The following MTUS2 variants were observed in gnomAD, a reference collection of about 807,000 sequenced individuals.
The protein encoded by MTUS2 is microtubule-associated tumor suppressor candidate 2.
A neutral mutation model predicts 114.1 loss-of-function variants in MTUS2; 40 were observed. That is an observed-to-expected ratio of 0.35 (90% CI 0.27 to 0.46). The LOEUF is 0.46. MTUS2 is among the 20% of genes least tolerant of loss of function. The pLI is 1.00. For missense variants in MTUS2, 1,679 were observed against 1,705.4 expected (o/e 0.98, Z 0.27); for synonymous variants, 688 against 672.0 (o/e 1.02, Z -0.37).
chr13:28,906,868 C>G (rs909185437), intron 2 of MTUS2, among the ~76,000 whole-genome samples: 2 of 151,482 alleles, frequency 1.3e-5, no homozygotes, highest in Admixed American at 1.3e-4. Flanking sequence ...TCTAGCAAGG[C>G]AGGCCAACAT....
rs185601069 is a variant in MTUS2, at chr13:29,314,794, A to C, written c.2807-9819A>C. On this transcript the variant is annotated intron_variant, in intron 6 of 15. Transcript: ENST00000612955. ...ACTTTGTTTTAAAAAATAGTTTTCTACCATATGATCTAGCAGTTCTACTAC... is the reference window on the plus strand; with the variant it reads ...ACTTTGTTTTAAAAAATAGTTTTCTCCCATATGATCTAGCAGTTCTACTAC... 3.6e-4 allele frequency among the ~76,000 whole-genome samples: 55 copies of C among 152,330 alleles called. 1 individual carries two copies. The highest frequency in any genetic ancestry group is 1.3e-3 in the African/African-American group (53 of 41,592).
At chr13:29,273,553 C>T (rs1439157591) in intron 5 of MTUS2, among the ~76,000 whole-genome samples, 2 of 152,108 alleles carry the variant, frequency 1.3e-5, no homozygotes, top group African/African-American at 4.8e-5. Context: ...TTCTTAAAGA[C>T]ATAATTCAAG....
intron 4 of MTUS2, among the ~76,000 whole-genome samples, chr13:29,088,207 T>C (rs1010654876): frequency 2.6e-5 from 4 of 152,246 alleles, no homozygotes; most frequent in African/African-American, 7.2e-5. Flanking sequence ...AAGACTTTTT[T>C]ATTTGTGCTT....
intron 2 of MTUS2, among the ~76,000 whole-genome samples, chr13:28,984,644 C>A (rs112118435): frequency 4.6e-5 from 7 of 152,126 alleles, no homozygotes; most frequent in African/African-American, 1.7e-4. Context: ...ACCCCTATGA[C>A]GTAATTTGTC....
intron 6 of MTUS2, 35 bp from the exon 7 acceptor site, chr13:29,324,578 C>A: frequency 6.7e-7 from 1 of 1,490,858 alleles, no homozygotes; most frequent in Non-Finnish European, 9.2e-7. Flanking sequence ...AAGTAGCTTA[C>A]TTTCTACCTA....
At chr13:29,043,539 C>T (rs9579271) in intron 4 of MTUS2, among the ~76,000 whole-genome samples, 342 of 151,524 alleles carry the variant, frequency 2.3e-3, no homozygotes, top group Non-Finnish European at 3.3e-3. Context: ...CTGAAGTCTC[C>T]CACTATTATT....
At chr13:29,209,648 C>T (rs1415381560) in intron 5 of MTUS2, among the ~76,000 whole-genome samples, 1 of 151,980 alleles carries the variant, frequency 6.6e-6, no homozygotes. Flanking sequence ...TTTTCTCAAC[C>T]TTTGTCTGAA....
intron 1 of MTUS2, among the ~76,000 whole-genome samples, chr13:28,829,383 T>G (rs1415185684): frequency 3.3e-5 from 5 of 151,592 alleles, no homozygotes; most frequent in African/African-American, 1.2e-4. Context: ...AAAAAAAAAA[T>G]TAGCCAGGCA....
chr13:29,295,737 G>T (rs368654629), intron 6 of MTUS2, among the ~76,000 whole-genome samples: 2 of 152,186 alleles, frequency 1.3e-5, no homozygotes, highest in Admixed American at 1.3e-4. Context: ...GGACTCAACA[G>T]TTCCCCATGG....
chr13:28,965,133 A>G (rs988479201), intron 2 of MTUS2, among the ~76,000 whole-genome samples: 2 of 152,116 alleles, frequency 1.3e-5, no homozygotes, highest in African/African-American at 4.8e-5. Flanking sequence ...GTGATTTATG[A>G]TCTCTCTTCT....
intron 7 of MTUS2, among the ~76,000 whole-genome samples, chr13:29,348,989 C>T (rs1006459822): frequency 2.6e-5 from 4 of 152,092 alleles, no homozygotes; most frequent in Admixed American, 2.0e-4. Context: ...ACATTTTTAT[C>T]CAATCTGAAA....
rs185392122 is a variant in MTUS2 at position 28,950,393 on chromosome 13, T to C, written c.-242-74064T>C. Among the ~76,000 whole-genome samples the C allele has an allele frequency of 9.0e-4, 137 of 152,336 alleles. 1 individual carries two copies. The highest frequency in any genetic ancestry group is 3.0e-3 in the African/African-American group (126 of 41,574). On this transcript the variant is annotated intron_variant, in intron 2 of 15. Transcript: ENST00000612955. ...TTCGCAAATGTTTTTTCCCATTCAA[T>C]AGGTTACCGTTTCACTATGTTAATG...
At chr13:29,206,105 T>A (rs2139260942) in intron 5 of MTUS2, among the ~76,000 whole-genome samples, 1 of 152,330 alleles carries the variant, frequency 6.6e-6, no homozygotes, top group East Asian at 1.9e-4. Flanking sequence ...TGGCCGTTCT[T>A]GCTGGAGTAA....
chr13:29,183,377 G>A (rs1894088713), intron 5 of MTUS2, among the ~76,000 whole-genome samples: 2 of 152,282 alleles, frequency 1.3e-5, no homozygotes, highest in South Asian at 4.1e-4. Context: ...AACAGGTTAG[G>A]AGATTCATTT....
At chr13:29,273,580 T>C (rs1897954792) in intron 5 of MTUS2, among the ~76,000 whole-genome samples, 1 of 152,142 alleles carries the variant, frequency 6.6e-6, no homozygotes, top group African/African-American at 2.4e-5. Flanking sequence ...AAAATTTACC[T>C]CTTTAAAGTG....
At chr13:29,298,965 A>G (rs1345340150) in intron 6 of MTUS2, among the ~76,000 whole-genome samples, 1 of 152,172 alleles carries the variant, frequency 6.6e-6, no homozygotes, top group Non-Finnish European at 1.5e-5. Context: ...CTGAGTCTAG[A>G]TTGCTGTCAC....
chr13:29,062,948 TCTTTGA>T (rs1206911577), intron 4 of MTUS2, among the ~76,000 whole-genome samples: 1 of 152,210 alleles, frequency 6.6e-6, no homozygotes, highest in Non-Finnish European at 1.5e-5. Context: ...AATCCAGTGT[TCTTTGA>T]CTTCGTAACC....
chr13:28,904,748 G>C (rs1170047062), intron 2 of MTUS2, among the ~76,000 whole-genome samples: 1 of 152,042 alleles, frequency 6.6e-6, no homozygotes, highest in Non-Finnish European at 1.5e-5. Flanking sequence ...CTGTTTTTTG[G>C]TTCCATATGA....
chr13:28,832,591 A>G (rs903790181), intron 1 of MTUS2, among the ~76,000 whole-genome samples: 1 of 150,456 alleles, frequency 6.6e-6, no homozygotes, highest in Non-Finnish European at 1.5e-5. Context: ...TTAATAATGT[A>G]AAGAAAGAAG....
Sources: allele counts gnomAD v4.1 joint callset (sites outside exome capture counted in the v4.1 genomes callset), GRCh38; gene constraint gnomAD v4.1.1; transcripts MANE v1.5; gene names NCBI Gene and HGNC (gene_info 2026-07-23, HGNC 2026-07-21).